The following SLC24A2 variants were observed in gnomAD, a reference collection of about 807,000 sequenced individuals.
The protein encoded by SLC24A2 is solute carrier family 24 member 2.
SLC24A2 carries 36 observed loss-of-function variants against 62.0 expected under a neutral mutation model. The ratio of observed to expected loss-of-function variants is 0.58; its 90% CI spans 0.44 to 0.77. The LOEUF is 0.77. Among genes scored for constraint, SLC24A2 ranks in the 30% least tolerant of loss-of-function variants. The pLI is 0.00. For synonymous variants in SLC24A2, 358 were observed against 294.0 expected (o/e 1.22, Z -2.23); for missense variants, 846 against 817.9 (o/e 1.03, Z -0.42).
intron 2 of SLC24A2, among the ~76,000 whole-genome samples, chr9:19,679,942 A>G (rs949145858): frequency 6.6e-6 from 1 of 152,034 alleles, no homozygotes; most frequent in Non-Finnish European, 1.5e-5. Context: ...CCCTAACCAC[A>G]TAAATGGTTG....
the SLC24A2 span, among the ~76,000 whole-genome samples, chr9:20,272,551 G>T: frequency 6.6e-6 from 1 of 152,138 alleles, no homozygotes; most frequent in African/African-American, 2.4e-5. Context: ...TTGTAATAAG[G>T]TCATCGTCTC....
chr9:20,004,529 T>A, the SLC24A2 span, among the ~76,000 whole-genome samples: 2,403 of 152,358 alleles, frequency 0.016, 32 homozygotes, highest in South Asian at 0.034. Flanking sequence ...TGAGACTACC[T>A]GCCTAAAGAC....
intron 7 of SLC24A2, among the ~76,000 whole-genome samples, chr9:19,562,220 A>C (rs1263607275): frequency 6.6e-6 from 1 of 152,220 alleles, no homozygotes; most frequent in Non-Finnish European, 1.5e-5. Flanking sequence ...CTAACATAAA[A>C]GCTAACTGGA....
the SLC24A2 span, among the ~76,000 whole-genome samples, chr9:20,075,557 T>C: frequency 6.6e-6 from 1 of 152,118 alleles, no homozygotes; most frequent in African/African-American, 2.4e-5. Context: ...ACCTCACACT[T>C]CCCTCCTTCA....
the SLC24A2 span, among the ~76,000 whole-genome samples, chr9:19,835,048 C>A: frequency 6.6e-6 from 1 of 152,112 alleles, no homozygotes; most frequent in Non-Finnish European, 1.5e-5. Flanking sequence ...CACCACCAGG[C>A]CTGCCCTAAA....
intron 2 of SLC24A2, among the ~76,000 whole-genome samples, chr9:19,783,300 A>C (rs975385033): frequency 1.3e-5 from 2 of 152,212 alleles, no homozygotes; most frequent in Non-Finnish European, 1.5e-5. Context: ...CCCATGTCCC[A>C]TAATTTTGCA....
At chr9:19,937,180 G>T in the SLC24A2 span, among the ~76,000 whole-genome samples, 2 of 152,078 alleles carry the variant, frequency 1.3e-5, no homozygotes, top group Admixed American at 6.5e-5. Context: ...AGGGACCCCT[G>T]GTCAGTCCAT....
chr9:20,042,090 G>T, the SLC24A2 span, among the ~76,000 whole-genome samples: 1 of 152,250 alleles, frequency 6.6e-6, no homozygotes, highest in Non-Finnish European at 1.5e-5. Flanking sequence ...ATGTGCCACT[G>T]AGGGGAGCAC....
the SLC24A2 span, among the ~76,000 whole-genome samples, chr9:20,044,943 G>T: frequency 6.6e-6 from 1 of 151,968 alleles, no homozygotes; most frequent in Non-Finnish European, 1.5e-5. Context: ...GATTTATCTG[G>T]TATGTGGCTG....
the SLC24A2 span, among the ~76,000 whole-genome samples, chr9:20,168,553 A>T: frequency 5.4e-4 from 82 of 152,136 alleles, no homozygotes; most frequent in Non-Finnish European, 3.7e-4. Context: ...ACTTGAAAAG[A>T]TATTTTTCAA....
At chr9:19,765,441 T>G (rs191093891) in intron 2 of SLC24A2, among the ~76,000 whole-genome samples, 2 of 152,328 alleles carry the variant, frequency 1.3e-5, no homozygotes, top group East Asian at 3.9e-4. Context: ...GTACCTGATT[T>G]TCCTTTCCAT....
chr9:19,951,056 A>G, the SLC24A2 span, among the ~76,000 whole-genome samples: 1 of 152,170 alleles, frequency 6.6e-6, no homozygotes, highest in Non-Finnish European at 1.5e-5. Flanking sequence ...CACATTGCTG[A>G]AGAGCAGGTA....
chr9:20,246,959 T>G, the SLC24A2 span, among the ~76,000 whole-genome samples: 1 of 152,244 alleles, frequency 6.6e-6, no homozygotes, highest in Non-Finnish European at 1.5e-5. Context: ...CCAGGATCCC[T>G]ATTTATTTCT....
the SLC24A2 span, among the ~76,000 whole-genome samples, chr9:19,823,429 T>A: frequency 6.6e-6 from 1 of 152,070 alleles, no homozygotes; most frequent in Admixed American, 6.6e-5. Context: ...AAGTAAAGAA[T>A]TTTCTTACTT....
chr9:19,718,670 C>A (rs933380429), intron 2 of SLC24A2, among the ~76,000 whole-genome samples: 9 of 152,036 alleles, frequency 5.9e-5, no homozygotes, highest in African/African-American at 1.9e-4. Flanking sequence ...TTCTTACTGG[C>A]AGCCAGGCTT....
At chr9:19,808,728 C>A in the SLC24A2 span, among the ~76,000 whole-genome samples, 1 of 152,274 alleles carries the variant, frequency 6.6e-6, no homozygotes, top group African/African-American at 2.4e-5. This position sits in a 1 kb window ranked among gnomAD's most constrained non-coding sequence, Gnocchi z 4.1. Context: ...AGGTTATACC[C>A]CAGTTCCATT....
chr9:20,156,838 C>A, the SLC24A2 span, among the ~76,000 whole-genome samples: 2 of 151,644 alleles, frequency 1.3e-5, no homozygotes, highest in African/African-American at 4.8e-5. Flanking sequence ...TGCTGCAGTA[C>A]TGCAACACAT....
the SLC24A2 span, among the ~76,000 whole-genome samples, chr9:19,804,950 T>A: frequency 6.6e-6 from 1 of 152,140 alleles, no homozygotes. Context: ...TTTCAGATGG[T>A]AGGAGATTTG....
the SLC24A2 span, among the ~76,000 whole-genome samples, chr9:20,234,018 T>C: frequency 6.6e-6 from 1 of 152,352 alleles, no homozygotes; most frequent in Non-Finnish European, 1.5e-5. Context: ...AATTCTGGGT[T>C]GAAAATTATT....
Sources: allele counts gnomAD v4.1 joint callset (sites outside exome capture counted in the v4.1 genomes callset), GRCh38; gene constraint gnomAD v4.1.1; non-coding constraint Gnocchi (gnomAD v3.1); transcripts MANE v1.5; gene names NCBI Gene and HGNC (gene_info 2026-07-23, HGNC 2026-07-21).